The following HDAC9 variants were observed in gnomAD, a reference collection of about 807,000 sequenced individuals.
HDAC9 encodes the protein MEF-2 interacting transcription repressor (MITR) protein.
Under a neutral mutation model 139.4 loss-of-function variants are expected in HDAC9, and 41 were observed. The ratio of observed to expected loss-of-function variants is 0.29; its 90% CI spans 0.23 to 0.38. HDAC9 has a LOEUF of 0.38. HDAC9 is among the 10% of genes least tolerant of loss of function. The pLI is 1.00. For synonymous variants in HDAC9, 517 were observed against 476.2 expected (o/e 1.09, Z -1.12); for missense variants, 1,147 against 1,297.0 (o/e 0.88, Z 1.78).
intron 1 of HDAC9, among the ~76,000 whole-genome samples, chr7:18,396,796 T>C (rs1445860695): frequency 6.6e-6 from 1 of 152,172 alleles, no homozygotes; most frequent in Admixed American, 6.6e-5. Context: ...AGTTAGCATG[T>C]TTATCCCACA....
chr7:18,805,814 A>G (rs1019073310), intron 17 of HDAC9, among the ~76,000 whole-genome samples: 3 of 152,230 alleles, frequency 2.0e-5, no homozygotes, highest in African/African-American at 4.8e-5. Context: ...TGCATTGCTA[A>G]TCCAGTCTTT....
At chr7:18,119,457 C>T (rs551848304) in intron 1 of HDAC9, among the ~76,000 whole-genome samples, 24 of 152,230 alleles carry the variant, frequency 1.6e-4, no homozygotes, top group South Asian at 6.2e-4. Context: ...GTAGAGAGAC[C>T]GAAGCTACCA....
intron 17 of HDAC9, among the ~76,000 whole-genome samples, chr7:18,795,660 C>T (rs1792735366): frequency 6.6e-6 from 1 of 152,162 alleles, no homozygotes; most frequent in Non-Finnish European, 1.5e-5. Flanking sequence ...GGTCAAGAGA[C>T]TGAAGCCCTG....
At chr7:18,142,207 C>G (rs1311932649) in intron 1 of HDAC9, among the ~76,000 whole-genome samples, 3 of 152,112 alleles carry the variant, frequency 2.0e-5, no homozygotes, top group African/African-American at 4.8e-5. Context: ...TGCCCCTAAG[C>G]ATATTTTAGG....
chr7:18,516,066 C>A (rs2128201897), intron 2 of HDAC9, among the ~76,000 whole-genome samples: 1 of 152,246 alleles, frequency 6.6e-6, no homozygotes, highest in South Asian at 2.1e-4. Context: ...TATGGAGGTT[C>A]TTCAGTCACA....
chr7:18,436,904 A>G (rs1585891938), intron 1 of HDAC9, among the ~76,000 whole-genome samples: 1 of 152,230 alleles, frequency 6.6e-6, no homozygotes, highest in South Asian at 2.1e-4. Context: ...TTACTGATTA[A>G]TAAATCTAAC....
chr7:18,894,761 A>G (rs1234578279), intron 22 of HDAC9, among the ~76,000 whole-genome samples: 1 of 152,100 alleles, frequency 6.6e-6, no homozygotes, highest in East Asian at 1.9e-4. Flanking sequence ...GAGAGGGAAA[A>G]TTGATGCTGC....
intron 17 of HDAC9, among the ~76,000 whole-genome samples, chr7:18,795,170 T>A (rs192871680): frequency 6.6e-6 from 1 of 150,954 alleles, no homozygotes; most frequent in East Asian, 1.9e-4. Flanking sequence ...ATCAGGTATT[T>A]ATATTGAGAA....
At chr7:18,382,747 TA>T (rs1256293601) in intron 1 of HDAC9, among the ~76,000 whole-genome samples, 1 of 152,170 alleles carries the variant, frequency 6.6e-6, no homozygotes, top group African/African-American at 2.4e-5. Flanking sequence ...AAAATACATA[TA>T]AAAGTAATAA....
At chr7:18,418,142 T>C (rs1789260708) in intron 1 of HDAC9, among the ~76,000 whole-genome samples, 2 of 152,166 alleles carry the variant, frequency 1.3e-5, no homozygotes, top group South Asian at 4.1e-4. Context: ...AAACCGTTGC[T>C]CAGCTTTTGG....
rs1267853732 is a variant in HDAC9 at position 19,002,066 on chromosome 7, C to T, written c.*6004C>T. On this transcript the variant is annotated 3_prime_UTR_variant, in exon 26 of 26. Transcript: ENST00000686413. ...TGGTTTTGCCCTTAATTTTTTTTGG[C>T]TAGCATCACCAAGATCTGTCATCCA... 10 of 151,988 alleles carry T rather than the reference C, an allele frequency of 6.6e-5. No individual in the cohort carries two copies. In the South Asian group the frequency reaches 8.3e-4, roughly 13 times the overall value. The allele number at this position is 151,988 out of a possible 1,614,324, so 9.4% of individuals were successfully genotyped here. A position where few individuals can be genotyped will look rare whatever the true frequency, so the allele number is the denominator to read the frequency against.
chr7:18,226,835 G>A (rs1448166851), intron 2 of HDAC9, among the ~76,000 whole-genome samples: 1 of 152,208 alleles, frequency 6.6e-6, no homozygotes, highest in Non-Finnish European at 1.5e-5. Context: ...CCAGATCTCA[G>A]AGTGAGTTGT....
intron 2 of HDAC9, among the ~76,000 whole-genome samples, chr7:18,173,967 G>C (rs1017755594): frequency 1.3e-5 from 2 of 152,066 alleles, no homozygotes; most frequent in Non-Finnish European, 2.9e-5. Flanking sequence ...GATGTTCTCC[G>C]TATTTCCTGA....
intron 21 of HDAC9, among the ~76,000 whole-genome samples, chr7:18,869,356 T>G (rs926088162): frequency 6.6e-6 from 1 of 152,022 alleles, no homozygotes; most frequent in African/African-American, 2.4e-5. Flanking sequence ...AGTGCTGTTC[T>G]CATGATAGAG....
At chr7:18,521,189 A>G (rs897912378) in intron 2 of HDAC9, among the ~76,000 whole-genome samples, 2 of 152,196 alleles carry the variant, frequency 1.3e-5, no homozygotes, top group Admixed American at 6.6e-5. Context: ...GAGAAAAATC[A>G]TGTCTTTAAA....
At chr7:18,305,639 C>G (rs1303625192) in intron 1 of HDAC9, among the ~76,000 whole-genome samples, 1 of 150,326 alleles carries the variant, frequency 6.7e-6, no homozygotes, top group Non-Finnish European at 1.5e-5. Flanking sequence ...TAATCTAGAA[C>G]TGTTTGAATG....
At chr7:18,790,547 C>T (rs1011937641) in intron 16 of HDAC9, among the ~76,000 whole-genome samples, 2 of 152,140 alleles carry the variant, frequency 1.3e-5, no homozygotes, top group Admixed American at 6.5e-5. Context: ...TTTAAGCTAC[C>T]TACCCCTTGG....
chr7:18,656,111 A>G (rs1292864131), intron 11 of HDAC9, among the ~76,000 whole-genome samples: 1 of 135,348 alleles, frequency 7.4e-6, no homozygotes, highest in Non-Finnish European at 1.6e-5. Context: ...TTTTTCCTGT[A>G]TCTTTCAGCT....
chr7:18,491,981 C>G, upstream of HDAC9, among the ~76,000 whole-genome samples: 1 of 151,902 alleles, frequency 6.6e-6, no homozygotes, highest in Non-Finnish European at 1.5e-5. Flanking sequence ...ACAGGTCCAC[C>G]CCTTGTCAAC....
Sources: allele counts gnomAD v4.1 joint callset (sites outside exome capture counted in the v4.1 genomes callset), GRCh38; gene constraint gnomAD v4.1.1; transcripts MANE v1.5; gene names NCBI Gene and HGNC (gene_info 2026-07-23, HGNC 2026-07-21).